The following FAM167A variants were observed in gnomAD, a reference collection of about 807,000 sequenced individuals.
FAM167A encodes the protein protein FAM167A.
FAM167A carries 23 observed loss-of-function variants against 14.9 expected under a neutral mutation model. That is an observed-to-expected ratio of 1.55 (90% CI 1.11 to 2.19). FAM167A has a LOEUF of 2.19. Among genes scored for constraint, FAM167A ranks in the 30% most tolerant of loss-of-function variants. The pLI, the probability that FAM167A is intolerant of heterozygous loss-of-function variation, is 0.00. For synonymous variants in FAM167A, 174 were observed against 117.7 expected (o/e 1.48, Z -3.10); for missense variants, 401 against 281.5 (o/e 1.42, Z -3.04).
upstream of FAM167A, among the ~76,000 whole-genome samples, chr8:11,467,321 C>T (rs1415912377): frequency 6.6e-6 from 1 of 152,284 alleles, no homozygotes; most frequent in Non-Finnish European, 1.5e-5. Context: ...CATCGGCCAC[C>T]TCTGGCTGTC....
rs536864187 is a variant in FAM167A at position 11,432,764 on chromosome 8, G to A, written c.382-8128C>T. On this transcript the variant is annotated intron_variant, in intron 2 of 2. Coordinates refer to ENST00000284486, the MANE Select transcript of FAM167A (RefSeq NM_053279.3). Reference sequence around the variant, plus strand: ...TTCTATGATAAAGACACATGCACACGTATGTTCATTGTGGCACTATTCACA... The same window carrying A: ...TTCTATGATAAAGACACATGCACACATATGTTCATTGTGGCACTATTCACA... Among the ~76,000 whole-genome samples the A allele has an allele frequency of 5.3e-5, 8 of 152,292 alleles. 1 individual carries two copies. Among genetic ancestry groups the A allele is most frequent in the Admixed American group, 2.6e-4 (4 of 15,286 alleles).
chr8:11,470,599 A>G (rs1169560824), upstream of FAM167A, among the ~76,000 whole-genome samples: 1 of 152,174 alleles, frequency 6.6e-6, no homozygotes, highest in East Asian at 1.9e-4. Flanking sequence ...AGCCCTCTCT[A>G]AATCAGTCTC....
At chr8:11,456,396 T>TGA (rs1807306878) in intron 1 of FAM167A, among the ~76,000 whole-genome samples, 3 of 79,962 alleles carry the variant, frequency 3.8e-5, no homozygotes, top group East Asian at 3.5e-4. Context: ...GGTGTGTGTG[T>TGA]GAGTGTGGGG....
At chr8:11,456,335 G>A (rs1486092728) in intron 1 of FAM167A, among the ~76,000 whole-genome samples, 1 of 151,362 alleles carries the variant, frequency 6.6e-6, no homozygotes, top group East Asian at 2.0e-4. Context: ...ATGGGTGTGA[G>A]TGTGGGGTGG....
chr8:11,424,443 A>G lies in FAM167A; in HGVS notation c.575T>C (p.Leu192Pro). Residue 192 changes from leucine (L) to proline (P), a missense_variant, in exon 3 of 3, where the codon CTC (leucine) becomes CCC (proline). Transcript: ENST00000284486. ...CDSPLASSFS[L>P]STPLKLIGVT... Reference sequence around the variant, plus strand: ...GCCAATAAGCTTGAGTGGTGTGGAGAGGCTGAAGGAGGAGGCAAGAGGGGA... The same window carrying G: ...GCCAATAAGCTTGAGTGGTGTGGAGGGGCTGAAGGAGGAGGCAAGAGGGGA... The G allele has an allele frequency of 6.2e-7, 1 of 1,613,870 alleles. No individual in the cohort carries two copies. The highest frequency in any genetic ancestry group is 8.5e-7 in the Non-Finnish European group (1 of 1,179,972).
chr8:11,437,994 G>C (rs1380258552), intron 2 of FAM167A: 2 of 336,710 alleles, frequency 5.9e-6, no homozygotes, highest in Non-Finnish European at 1.2e-5. Flanking sequence ...TATAACTTTT[G>C]TCACACCATG....
At chr8:11,434,930 TGAGGACAGGCCCA>T (rs1196917638) in intron 2 of FAM167A, 1 of 421,496 alleles carries the variant, frequency 2.4e-6, no homozygotes. Context: ...GCTGGCTGGG[TGAGGACAGGCCCA>T]GAGGACAGCA....
intron 2 of FAM167A, among the ~76,000 whole-genome samples, chr8:11,434,363 C>T (rs73663137): frequency 6.6e-6 from 1 of 152,140 alleles, no homozygotes; most frequent in African/African-American, 2.4e-5. Flanking sequence ...GGGAGGGGGG[C>T]AGGTGCAATG....
intron 2 of FAM167A, chr8:11,438,712 G>A (rs895727252): frequency 4.9e-5 from 18 of 367,502 alleles, no homozygotes; most frequent in East Asian, 4.3e-4. Context: ...CCACGAGGCC[G>A]TATCTGCCCA....
rs1297556322 is a variant in FAM167A, at chr8:11,444,639, T to C, written c.-228A>G. On this transcript the variant is annotated 5_prime_UTR_variant, in exon 2 of 3. Transcript: ENST00000284486. ...GGAGGCTCGGGTCTATGATCCGTCC[T>C]GGAAGCCTGTGGGTGCCATGCTCCA... The C allele has an allele frequency of 5.3e-6, 7 of 1,325,620 alleles. No individual in the cohort carries two copies. In the African/African-American group the frequency reaches 1.1e-4, roughly 20 times the overall value. The allele number at this position is 1,325,620 out of a possible 1,614,324, so 82.1% of individuals were successfully genotyped here.
chr8:11,427,227 C>T (rs528509762), intron 2 of FAM167A, among the ~76,000 whole-genome samples: 1 of 152,290 alleles, frequency 6.6e-6, no homozygotes, highest in African/African-American at 2.4e-5. Flanking sequence ...ACAGCCACTC[C>T]TGAGGTACCA....
At chr8:11,471,925 A>G (rs1807973681), upstream of FAM167A, among the ~76,000 whole-genome samples, 1 of 152,216 alleles carries the variant, frequency 6.6e-6, no homozygotes, top group Non-Finnish European at 1.5e-5. Context: ...GGGGGGCCAC[A>G]GGTGGGGCCT....
intron 2 of FAM167A, among the ~76,000 whole-genome samples, chr8:11,424,887 T>A (rs1276431684): frequency 6.6e-6 from 1 of 152,240 alleles, no homozygotes; most frequent in Non-Finnish European, 1.5e-5. Flanking sequence ...ACATGCATAT[T>A]GGTCCTGGCT....
chr8:11,430,268 G>T (rs1310036554), intron 2 of FAM167A, among the ~76,000 whole-genome samples: 1 of 152,216 alleles, frequency 6.6e-6, no homozygotes, highest in Non-Finnish European at 1.5e-5. Flanking sequence ...GATGTCATTG[G>T]TCGGGGGCTG....
At chr8:11,450,452 C>T (rs561281639) in intron 1 of FAM167A, among the ~76,000 whole-genome samples, 3 of 152,284 alleles carry the variant, frequency 2.0e-5, no homozygotes, top group South Asian at 4.1e-4. Flanking sequence ...TAGACAGGTT[C>T]GGGACCTTGC....
upstream of FAM167A, among the ~76,000 whole-genome samples, chr8:11,468,188 C>A (rs1401220787): frequency 6.6e-6 from 1 of 152,242 alleles, no homozygotes; most frequent in African/African-American, 2.4e-5. Context: ...GAAATCCAGT[C>A]TCAGCTGCTT....
intron 1 of FAM167A, among the ~76,000 whole-genome samples, chr8:11,458,909 A>G (rs1192457401): frequency 6.6e-6 from 1 of 152,264 alleles, no homozygotes; most frequent in Non-Finnish European, 1.5e-5. Flanking sequence ...CTTGCCATCA[A>G]GAGAGGCTGG....
chr8:11,422,828 A>T lies in FAM167A; in HGVS notation c.*1545T>A, dbSNP rs1321195921. 1 of 152,490 alleles carries T rather than the reference A, an allele frequency of 6.6e-6. No homozygotes were observed. The highest frequency in any genetic ancestry group is 2.4e-5 in the African/African-American group (1 of 41,434). 9.4% of individuals were successfully genotyped at this position (152,490 alleles called of 1,614,324 possible). Reference sequence around the variant, plus strand: ...GCCGTGCGTAGACCATGGGACAGTGATTAGTGACACATGCCCTGTGGGGCC... The same window carrying T: ...GCCGTGCGTAGACCATGGGACAGTGTTTAGTGACACATGCCCTGTGGGGCC... On this transcript the variant is annotated 3_prime_UTR_variant, in exon 3 of 3. Transcript: ENST00000284486.
intron 1 of FAM167A, among the ~76,000 whole-genome samples, chr8:11,465,321 C>T (rs756794385): frequency 5.9e-5 from 9 of 152,238 alleles, no homozygotes; most frequent in Non-Finnish European, 7.4e-5. Flanking sequence ...AGCACTGTCC[C>T]GGGAGTCAGG....
Sources: gnomAD v4.1 joint callset for allele counts (sites outside exome capture counted in the v4.1 genomes callset) on GRCh38, gnomAD v4.1.1 for gene constraint, MANE v1.5 for transcripts, NCBI Gene and HGNC (gene_info 2026-07-23, HGNC 2026-07-21) for gene names.